The following GREB1 variants were observed in gnomAD, a reference collection of about 807,000 sequenced individuals.
The protein encoded by GREB1 is protein GREB1.
In GREB1, 106 loss-of-function variants were observed where a neutral mutation model predicts 200.7. The ratio of observed to expected loss-of-function variants is 0.53; its 90% CI spans 0.45 to 0.62. The LOEUF is 0.62. GREB1 is among the 20% of genes least tolerant of loss of function. The pLI, the probability that GREB1 is intolerant of heterozygous loss-of-function variation, is 0.00. For synonymous variants in GREB1, 1,132 were observed against 1,092.4 expected (o/e 1.04, Z -0.72); for missense variants, 2,243 against 2,556.8 (o/e 0.88, Z 2.65).
At position 11,632,848 on chromosome 2, in the gene GREB1, G is replaced by T. The variant is rs577805267; in HGVS notation, c.4817-41G>T. ...TGGGGTCTGTCTGCTGTGGGTGTGGGTGCAGGTCAGTCCTGAGTCCAGGTG... is the reference window on the plus strand; with the variant it reads ...TGGGGTCTGTCTGCTGTGGGTGTGGTTGCAGGTCAGTCCTGAGTCCAGGTG... On this transcript the variant is annotated intron_variant, in intron 27 of 32. Transcript: ENST00000381486. 6.4e-5 allele frequency: 102 copies of T among 1,582,726 alleles called. 2 individuals are homozygous for T. In the South Asian group the frequency reaches 1.1e-3, roughly 18 times the overall value.
chr2:11,592,687 TTAGG>T (rs1412045090), intron 10 of GREB1, 85 bp from the exon 11 acceptor site: 2 of 808,690 alleles, frequency 2.5e-6, no homozygotes, highest in African/African-American at 3.7e-5. Context: ...CAGTAATAAC[TTAGG>T]TGGGTACTTT....
chr2:11,634,357 C>T lies in GREB1; in HGVS notation c.5210+8C>T. The T allele has an allele frequency of 6.2e-7, 1 of 1,608,938 alleles. No homozygotes were observed. Among genetic ancestry groups the T allele is most frequent in the Non-Finnish European group, 8.5e-7 (1 of 1,176,474 alleles). ...GCAGTACAACCAGAACCGGTGAGCT[C>T]CTGCACCTGGGGCAGAGGCGGCGGC... is the stretch of plus-strand genomic sequence containing the variant. On this transcript the variant is annotated splice_region_variant and intron_variant, in intron 29 of 32. Transcript: ENST00000381486.
chr2:11,599,480 C>T (rs1295386265), intron 15 of GREB1, among the ~76,000 whole-genome samples: 4 of 151,026 alleles, frequency 2.6e-5, no homozygotes, highest in African/African-American at 4.9e-5. Context: ...GCTGGGACTA[C>T]AGGCACCTGT....
chr2:11,601,927 A>G (rs1681819141), intron 16 of GREB1, among the ~76,000 whole-genome samples: 1 of 152,218 alleles, frequency 6.6e-6, no homozygotes, highest in Non-Finnish European at 1.5e-5. Flanking sequence ...TTAGGAGTAG[A>G]GTTTTCATGC....
chr2:11,630,587 T>C (rs1037251384), intron 26 of GREB1, among the ~76,000 whole-genome samples: 1 of 152,186 alleles, frequency 6.6e-6, no homozygotes, highest in Admixed American at 6.5e-5. Flanking sequence ...TGCTAACTCA[T>C]GGCCAGCCTT....
At chr2:11,532,811 C>T (rs1674123947), upstream of GREB1, among the ~76,000 whole-genome samples, 1 of 152,140 alleles carries the variant, frequency 6.6e-6, no homozygotes, top group African/African-American at 2.4e-5. Context: ...ATGGCTTGTC[C>T]ATTGTCATCG....
chr2:11,574,423 G>A (rs1161141724), intron 4 of GREB1, among the ~76,000 whole-genome samples: 1 of 152,220 alleles, frequency 6.6e-6, no homozygotes, highest in African/African-American at 2.4e-5. Flanking sequence ...GTCGGAGCAG[G>A]ATGTTGAGTG....
At chr2:11,587,402 C>A in intron 9 of GREB1, 2 of 1,612,988 alleles carry the variant, frequency 1.2e-6, no homozygotes, top group Non-Finnish European at 1.7e-6. Context: ...TGGTGCTACC[C>A]AAATGGTAGC....
At chr2:11,614,968 C>T (rs1572139003) in intron 19 of GREB1, 123 bp from the exon 20 acceptor site, 5 of 720,716 alleles carry the variant, frequency 6.9e-6, no homozygotes, top group South Asian at 1.7e-5. Flanking sequence ...TCCACTTGTA[C>T]GAGTCCTTGG....
intron 3 of GREB1, among the ~76,000 whole-genome samples, chr2:11,563,621 A>T (rs374162598): frequency 5.9e-5 from 9 of 152,310 alleles, no homozygotes; most frequent in African/African-American, 2.2e-4. Flanking sequence ...CAGATAGTTG[A>T]ATAGCTGCGG....
chr2:11,485,854 A>G (rs1259965492), intron 1 of GREB1, among the ~76,000 whole-genome samples: 4 of 152,214 alleles, frequency 2.6e-5, no homozygotes, highest in Admixed American at 6.5e-5. Context: ...TTCTGAGGCT[A>G]TTTCAAAGTA....
At chr2:11,536,328 A>G (rs1173158852) in intron 1 of GREB1, among the ~76,000 whole-genome samples, 3 of 152,216 alleles carry the variant, frequency 2.0e-5, no homozygotes, top group Non-Finnish European at 2.9e-5. Context: ...CCAACCCCGC[A>G]TGATTTGTCC....
At chr2:11,496,865 T>C (rs1455189667) in intron 1 of GREB1, among the ~76,000 whole-genome samples, 1 of 152,196 alleles carries the variant, frequency 6.6e-6, no homozygotes, top group East Asian at 1.9e-4. Flanking sequence ...ATTTATTTTT[T>C]ATTTTTTTGA....
chr2:11,516,432 C>G (rs1673503919), intron 1 of GREB1, among the ~76,000 whole-genome samples: 1 of 152,064 alleles, frequency 6.6e-6, no homozygotes, highest in African/African-American at 2.4e-5. Context: ...TCTCCCAGGT[C>G]TCCACACAGA....
chr2:11,586,601 G>A (rs939136523), intron 9 of GREB1, among the ~76,000 whole-genome samples: 1 of 152,136 alleles, frequency 6.6e-6, no homozygotes, highest in Admixed American at 6.5e-5. Flanking sequence ...ACATACACGC[G>A]TGGGCACGGC....
chr2:11,532,037 T>C (rs1674092282), upstream of GREB1, among the ~76,000 whole-genome samples: 2 of 152,256 alleles, frequency 1.3e-5, no homozygotes, highest in Non-Finnish European at 2.9e-5. Context: ...TGTTTCGTAC[T>C]TTCTGTCATT....
At chr2:11,634,888 G>C (rs965201972) in intron 29 of GREB1, among the ~76,000 whole-genome samples, 1 of 152,192 alleles carries the variant, frequency 6.6e-6, no homozygotes, top group African/African-American at 2.4e-5. Context: ...ATTCTTCTTA[G>C]CTGTAAAAAG....
intron 1 of GREB1, among the ~76,000 whole-genome samples, chr2:11,516,242 A>C (rs1301350207): frequency 6.6e-6 from 1 of 152,048 alleles, no homozygotes; most frequent in Non-Finnish European, 1.5e-5. Context: ...GATGCCATCT[A>C]CCAAGACTTG....
intron 11 of GREB1, 27 bp from the exon 12 acceptor site, chr2:11,595,224 G>A: frequency 2.5e-6 from 4 of 1,600,542 alleles, no homozygotes; most frequent in African/African-American, 1.3e-5. Flanking sequence ...GATACAATGG[G>A]TACTGTGAAA....
Sources: gnomAD v4.1 joint callset for allele counts (sites outside exome capture counted in the v4.1 genomes callset) on GRCh38, gnomAD v4.1.1 for gene constraint, MANE v1.5 for transcripts, NCBI Gene and HGNC (gene_info 2026-07-23, HGNC 2026-07-21) for gene names.